The following PLPPR1 variants were observed in gnomAD, a reference collection of about 807,000 sequenced individuals.
PLPPR1 encodes the protein phospholipid phosphatase-related protein type 1.
Under a neutral mutation model 33.1 loss-of-function variants are expected in PLPPR1, and 10 were observed. That is an observed-to-expected ratio of 0.30 (90% confidence interval 0.19 to 0.51). The LOEUF (loss-of-function observed/expected upper bound fraction) is 0.51. Ranked by LOEUF, PLPPR1 falls within the 20% of genes least tolerant of loss-of-function variation. PLPPR1 has a pLI of 0.97. For missense variants in PLPPR1, 304 were observed against 408.1 expected (o/e 0.74, Z 2.20); for synonymous variants, 151 against 151.0 (o/e 1.00, Z 0.00).
chr9:101,168,927 T>A (rs1383468765), intron 1 of PLPPR1, among the ~76,000 whole-genome samples: 1 of 152,192 alleles, frequency 6.6e-6, no homozygotes, highest in African/African-American at 2.4e-5. Flanking sequence ...TCCTACAACC[T>A]GAATCATAAT....
chr9:101,110,353 G>T (rs1831040518), intron 1 of PLPPR1, among the ~76,000 whole-genome samples: 1 of 152,072 alleles, frequency 6.6e-6, no homozygotes, highest in Admixed American at 6.5e-5. Context: ...TGTTGCTGAG[G>T]ATAATAAAAA....
intron 7 of PLPPR1, among the ~76,000 whole-genome samples, chr9:101,319,872 G>A (rs1281614745): frequency 6.6e-6 from 1 of 152,124 alleles, no homozygotes; most frequent in Non-Finnish European, 1.5e-5. Context: ...CTGTGTCCTT[G>A]TAAATGCTAT....
intron 1 of PLPPR1, among the ~76,000 whole-genome samples, chr9:101,181,155 T>C (rs1190855535): frequency 2.7e-5 from 4 of 147,378 alleles, no homozygotes; most frequent in Non-Finnish European, 6.0e-5. Context: ...ATATTAGATA[T>C]GTAATATATA....
intron 4 of PLPPR1, among the ~76,000 whole-genome samples, chr9:101,304,982 A>G (rs1478792242): frequency 6.6e-6 from 1 of 150,682 alleles, no homozygotes; most frequent in Non-Finnish European, 1.5e-5. Context: ...CTGTAAATAC[A>G]TTTAGGAAAA....
intron 1 of PLPPR1, among the ~76,000 whole-genome samples, chr9:101,134,652 G>A (rs574420249): frequency 1.0e-3 from 159 of 152,190 alleles, no homozygotes; most frequent in African/African-American, 3.7e-3. Flanking sequence ...CCAGAGTGCC[G>A]GGATTACAGG....
intron 2 of PLPPR1, among the ~76,000 whole-genome samples, chr9:101,217,362 T>C (rs568707047): frequency 1.3e-5 from 2 of 152,348 alleles, no homozygotes; most frequent in East Asian, 3.9e-4. Context: ...TACCAAGGGT[T>C]AGCAAACTTT....
intron 2 of PLPPR1, among the ~76,000 whole-genome samples, chr9:101,247,442 C>G (rs552531046): frequency 6.6e-6 from 1 of 151,984 alleles, no homozygotes; most frequent in Admixed American, 6.6e-5. Flanking sequence ...AGGAAGGGGG[C>G]CTCAAGAGAG....
chr9:101,175,345 A>G (rs1469885826), intron 1 of PLPPR1, among the ~76,000 whole-genome samples: 1 of 152,164 alleles, frequency 6.6e-6, no homozygotes, highest in African/African-American at 2.4e-5. Context: ...AACTGAATAT[A>G]TTAATATTAT....
chr9:101,180,429 C>T (rs1446318846), intron 1 of PLPPR1, among the ~76,000 whole-genome samples: 10 of 150,368 alleles, frequency 6.7e-5, no homozygotes, highest in African/African-American at 2.4e-4. Flanking sequence ...CTCAAACAGT[C>T]AAAGGAATAG....
intron 1 of PLPPR1, among the ~76,000 whole-genome samples, chr9:101,087,176 T>A (rs1408946946): frequency 6.6e-6 from 1 of 150,470 alleles, no homozygotes; most frequent in African/African-American, 2.5e-5. Context: ...AGTGAGACTC[T>A]GTCTCAAAAA....
At chr9:101,207,107 G>T (rs1564175596) in intron 2 of PLPPR1, among the ~76,000 whole-genome samples, 2 of 151,732 alleles carry the variant, frequency 1.3e-5, no homozygotes, top group African/African-American at 2.4e-5. Context: ...ATTTTTATTT[G>T]CCTACTTTTT....
At chr9:101,101,652 T>A (rs1830902575) in intron 1 of PLPPR1, among the ~76,000 whole-genome samples, 1 of 152,120 alleles carries the variant, frequency 6.6e-6, no homozygotes, top group African/African-American at 2.4e-5. Flanking sequence ...AATGAAACGA[T>A]AAACAAATGT....
intron 2 of PLPPR1, among the ~76,000 whole-genome samples, chr9:101,229,035 C>T (rs899039638): frequency 6.6e-6 from 1 of 150,638 alleles, no homozygotes; most frequent in African/African-American, 2.4e-5. Context: ...TTCCTATGAC[C>T]TGCCTTGTTC....
chr9:101,056,459 T>C (rs115959864), intron 1 of PLPPR1, among the ~76,000 whole-genome samples: 1,834 of 152,286 alleles, frequency 0.012, 32 homozygotes, highest in African/African-American at 0.042. Context: ...TGGGCCACAC[T>C]AACAGTGCCC....
chr9:101,266,973 C>T (rs1012899959), intron 2 of PLPPR1, among the ~76,000 whole-genome samples: 2 of 152,056 alleles, frequency 1.3e-5, no homozygotes, highest in Non-Finnish European at 2.9e-5. Flanking sequence ...TATCCAGAAG[C>T]CCCCATAGAT....
chr9:101,078,308 G>C (rs568136678), intron 1 of PLPPR1, among the ~76,000 whole-genome samples: 1 of 150,372 alleles, frequency 6.7e-6, no homozygotes, highest in South Asian at 2.1e-4. Context: ...AGGGCTAGAT[G>C]TGAGCAGGTC....
intron 1 of PLPPR1, among the ~76,000 whole-genome samples, chr9:101,032,108 C>T (rs1038496120): frequency 1.3e-5 from 2 of 152,136 alleles, no homozygotes; most frequent in African/African-American, 4.8e-5. Flanking sequence ...TTCTGTGTGG[C>T]TGTAGCGACA....
chr9:101,200,159 C>T (rs1288008723), intron 2 of PLPPR1, among the ~76,000 whole-genome samples: 1 of 152,092 alleles, frequency 6.6e-6, no homozygotes, highest in Non-Finnish European at 1.5e-5. Context: ...CAGTCCTCAA[C>T]TAAAGAAGGA....
intron 2 of PLPPR1, among the ~76,000 whole-genome samples, chr9:101,198,067 C>A (rs1360796389): frequency 6.7e-6 from 1 of 149,712 alleles, no homozygotes; most frequent in Non-Finnish European, 1.5e-5. Flanking sequence ...CTCTGAATTT[C>A]TTTTATTTTA....
Sources: gnomAD v4.1 joint callset for allele counts (sites outside exome capture counted in the v4.1 genomes callset) on GRCh38, gnomAD v4.1.1 for gene constraint, MANE v1.5 for transcripts, NCBI Gene and HGNC (gene_info 2026-07-23, HGNC 2026-07-21) for gene names.